The following FER variants were observed in gnomAD, a reference collection of about 807,000 sequenced individuals.
The protein encoded by FER is FER tyrosine kinase, also known as tyrosine-protein kinase Fer.
Under a neutral mutation model 111.0 loss-of-function variants are expected in FER, and 63 were observed. The ratio of observed to expected loss-of-function variants is 0.57; its 90% CI spans 0.46 to 0.70. The LOEUF is 0.70. Ranked by LOEUF, FER falls within the 30% of genes least tolerant of loss-of-function variation. The probability of loss-of-function intolerance (pLI) is 0.00; values close to 1 mark genes in which losing one functional copy is unlikely to be tolerated. For missense variants in FER, 914 were observed against 954.0 expected (o/e 0.96, Z 0.55); for synonymous variants, 327 against 313.9 (o/e 1.04, Z -0.44).
At chr5:108,927,787 C>G (rs1356691403) in intron 10 of FER, among the ~76,000 whole-genome samples, 1 of 152,106 alleles carries the variant, frequency 6.6e-6, no homozygotes, top group Non-Finnish European at 1.5e-5. Context: ...ACGTGGAAGA[C>G]CCACCTAAAA....
chr5:109,146,290 A>ATATATATATC (rs1458419510), intron 17 of FER, among the ~76,000 whole-genome samples: 2 of 114,046 alleles, frequency 1.8e-5, no homozygotes, highest in African/African-American at 3.8e-5. Flanking sequence ...ATATATATAT[A>ATATATATATC]TCTTGGGTAG....
intron 10 of FER, among the ~76,000 whole-genome samples, chr5:108,900,728 A>G (rs1394878661): frequency 1.3e-5 from 2 of 152,164 alleles, no homozygotes; most frequent in African/African-American, 4.8e-5. Context: ...GCTTTAAGGA[A>G]CTGTACCATT....
At chr5:108,966,959 G>C (rs1759934546) in intron 13 of FER, among the ~76,000 whole-genome samples, 1 of 152,068 alleles carries the variant, frequency 6.6e-6, no homozygotes, top group Non-Finnish European at 1.5e-5. Flanking sequence ...TCATGAAACA[G>C]GGACTTCAGA....
intron 10 of FER, among the ~76,000 whole-genome samples, chr5:108,942,447 T>C (rs1756402409): frequency 6.6e-6 from 1 of 152,166 alleles, no homozygotes; most frequent in African/African-American, 2.4e-5. Context: ...GGGTTTTCTT[T>C]CTTTTAATAA....
At chr5:108,787,471 G>A (rs759417691) in intron 2 of FER, among the ~76,000 whole-genome samples, 4 of 152,278 alleles carry the variant, frequency 2.6e-5, no homozygotes, top group East Asian at 1.9e-4. Context: ...TCAGGCCAGC[G>A]ATGGCCTGAA....
intron 2 of FER, among the ~76,000 whole-genome samples, chr5:108,787,172 G>A (rs916696905): frequency 1.3e-5 from 2 of 152,174 alleles, no homozygotes; most frequent in Non-Finnish European, 2.9e-5. Flanking sequence ...CCTGCTTCTG[G>A]CGCCTGCTCC....
At chr5:108,984,179 A>G (rs116077472) in intron 13 of FER, among the ~76,000 whole-genome samples, 17,498 of 152,078 alleles carry the variant, frequency 0.12, 1,078 homozygotes, top group Middle Eastern at 0.15. Context: ...AAGATCCCTA[A>G]AAGTTTTCCC....
At chr5:108,896,119 G>A (rs892416360) in intron 9 of FER, among the ~76,000 whole-genome samples, 19 of 150,964 alleles carry the variant, frequency 1.3e-4, no homozygotes, top group African/African-American at 4.4e-4. Context: ...ACTTTACCTT[G>A]TATGTTTTAA....
chr5:108,942,575 C>T (rs1756416934), intron 10 of FER, among the ~76,000 whole-genome samples: 1 of 152,064 alleles, frequency 6.6e-6, no homozygotes. Flanking sequence ...TAAAACAAAT[C>T]ATTTAGAAAC....
intron 9 of FER, chr5:108,891,656 GTTTTTTTTTTC>G (rs1205738822): frequency 7.1e-6 from 1 of 141,480 alleles, no homozygotes; most frequent in Non-Finnish European, 1.6e-5. Flanking sequence ...TCTTTTGTTT[GTTTTTTTTTTC>G]TTTTTTTTTT....
At chr5:108,992,637 A>AC (rs1405534227) in intron 13 of FER, among the ~76,000 whole-genome samples, 3 of 126,322 alleles carry the variant, frequency 2.4e-5, no homozygotes, top group Non-Finnish European at 4.9e-5. Flanking sequence ...GGGGCTGACC[A>AC]CCCCACCTCC....
intron 10 of FER, among the ~76,000 whole-genome samples, chr5:108,908,881 G>A (rs1469065072): frequency 6.6e-6 from 1 of 152,028 alleles, no homozygotes; most frequent in Non-Finnish European, 1.5e-5. Flanking sequence ...TCTACAAAAA[G>A]TAAAAAATTA....
intron 16 of FER, among the ~76,000 whole-genome samples, chr5:109,079,599 T>A (rs963223234): frequency 1.3e-5 from 2 of 152,162 alleles, no homozygotes; most frequent in African/African-American, 4.8e-5. Context: ...CAGTTGGAAA[T>A]CATACTAATG....
chr5:108,891,338 A>G (rs1004285948), intron 9 of FER: 3 of 152,046 alleles, frequency 2.0e-5, no homozygotes, highest in African/African-American at 4.8e-5. Context: ...TGTCATTTGT[A>G]AATAGTTTTC....
chr5:109,181,939 A>G (rs558551493), intron 18 of FER, among the ~76,000 whole-genome samples: 2 of 152,146 alleles, frequency 1.3e-5, no homozygotes, highest in African/African-American at 2.4e-5. Context: ...GTAGCCACCA[A>G]TCTGCCTTTT....
chr5:108,916,291 T>A (rs1752250387), intron 10 of FER, among the ~76,000 whole-genome samples: 1 of 152,228 alleles, frequency 6.6e-6, no homozygotes, highest in Non-Finnish European at 1.5e-5. Context: ...AAGTTTTACA[T>A]CAACAGCCTA....
chr5:109,130,852 G>C (rs1420684666), intron 17 of FER, among the ~76,000 whole-genome samples: 1 of 152,130 alleles, frequency 6.6e-6, no homozygotes, highest in Non-Finnish European at 1.5e-5. Context: ...TTTTACTCCA[G>C]TGCCTAATAC....
At chr5:109,185,293 T>G (rs536981463) in intron 18 of FER, among the ~76,000 whole-genome samples, 1 of 152,346 alleles carries the variant, frequency 6.6e-6, no homozygotes, top group African/African-American at 2.4e-5. Flanking sequence ...TTTAAAGACG[T>G]TTTTGTTAGC....
intron 8 of FER, among the ~76,000 whole-genome samples, chr5:108,883,123 A>G (rs896008427): frequency 1.3e-5 from 2 of 151,938 alleles, no homozygotes; most frequent in African/African-American, 4.8e-5. Context: ...TTTGGTGAAT[A>G]AGACTCTAGA....
Sources: gnomAD v4.1 joint callset for allele counts (sites outside exome capture counted in the v4.1 genomes callset) on GRCh38, gnomAD v4.1.1 for gene constraint, MANE v1.5 for transcripts, NCBI Gene and HGNC (gene_info 2026-07-23, HGNC 2026-07-21) for gene names.